PGPEP1L: variants seen among roughly 807,000 people sequenced by gnomAD.
PGPEP1L encodes the protein pyroglutamyl-peptidase 1-like protein.
A neutral mutation model predicts 6.0 loss-of-function variants in PGPEP1L; 7 were observed. That is an observed-to-expected ratio of 1.17 (90% CI 0.66 to 2.19). PGPEP1L has a LOEUF of 2.19. Among genes scored for constraint, PGPEP1L ranks in the 30% most tolerant of loss-of-function variants. The pLI, the probability that PGPEP1L is intolerant of heterozygous loss-of-function variation, is 0.00. For synonymous variants in PGPEP1L, 103 were observed against 83.9 expected (o/e 1.23, Z -1.24); for missense variants, 209 against 192.5 (o/e 1.09, Z -0.51).
At position 99,007,782 on chromosome 15, in the gene PGPEP1L, A is replaced by G. The variant is rs781887364; in HGVS notation, c.-793T>C. 3 of 152,272 alleles carry G rather than the reference A, an allele frequency of 2.0e-5. No homozygotes were observed. The highest frequency in any genetic ancestry group is 2.9e-5 in the Non-Finnish European group (2 of 68,076). 9.4% of individuals were successfully genotyped at this position (152,272 alleles called of 1,614,324 possible). On this transcript the variant is annotated 5_prime_UTR_variant, in exon 1 of 5. Coordinates refer to ENST00000535714, the MANE Select transcript of PGPEP1L (RefSeq NM_001167902.2). ...CTTCCACAGCACAGAAGGCGACTCC[A>G]GCAAGTTGCTACTGCTACCTGGGGC...
chr15:98,980,037 A>G (rs989036984), intron 2 of PGPEP1L, among the ~76,000 whole-genome samples: 2 of 152,200 alleles, frequency 1.3e-5, no homozygotes, highest in African/African-American at 4.8e-5. Context: ...TCGATGGGAA[A>G]GGGTGGGAAG....
chr15:98,986,276 GA>G (rs1201171270), intron 2 of PGPEP1L, among the ~76,000 whole-genome samples: 2 of 152,142 alleles, frequency 1.3e-5, no homozygotes, highest in African/African-American at 4.8e-5. Flanking sequence ...CTGGCCACCA[GA>G]AAAAAACAAT....
chr15:98,986,631 T>C lies in PGPEP1L; in HGVS notation c.-141-15473A>G, dbSNP rs981964523. On this transcript the variant is annotated intron_variant, in intron 2 of 4. Coordinates refer to ENST00000535714, the MANE Select transcript of PGPEP1L (RefSeq NM_001167902.2). The stretch of plus-strand genomic sequence containing the variant: ...GGGGTTGTAAGAACTCCTAAATTAA[T>C]AGCCATTTGGCCAGAAGTACAGGTG... Among the ~76,000 whole-genome samples the C allele has an allele frequency of 3.9e-5, 6 of 152,012 alleles. 1 individual carries two copies. Among genetic ancestry groups the C allele is most frequent in the Admixed American group, 1.3e-4 (2 of 15,290 alleles).
chr15:98,990,225 T>A (rs879959762), intron 2 of PGPEP1L, among the ~76,000 whole-genome samples: 9 of 151,910 alleles, frequency 5.9e-5, no homozygotes, highest in South Asian at 2.1e-4. Flanking sequence ...GTGTCTCACG[T>A]GCAAAGACAC....
chr15:98,970,657 T>C (rs1398092542), intron 3 of PGPEP1L, among the ~76,000 whole-genome samples: 1 of 152,164 alleles, frequency 6.6e-6, no homozygotes, highest in African/African-American at 2.4e-5. Context: ...ACCCTCCCAG[T>C]CGCTCCCTGG....
chr15:98,981,991 T>C (rs921976080), intron 2 of PGPEP1L, among the ~76,000 whole-genome samples: 1 of 152,186 alleles, frequency 6.6e-6, no homozygotes, highest in African/African-American at 2.4e-5. Context: ...AAGATCATCT[T>C]GGTCTGGTTT....
rs761689323 is a variant in PGPEP1L, at chr15:98,971,201, G to C, written c.-141-43C>G. On this transcript the variant is annotated intron_variant, in intron 2 of 4. Transcript: ENST00000535714. ...TGGACTTGCCTCAGTTGATGGGGGG[G>C]GGGGGGGGGTGGGCACCAAGAGTCC... 6.2e-4 allele frequency: 189 copies of C among 305,602 alleles called. 3 individuals are homozygous for C. In the African/African-American group the frequency reaches 8.6e-3, roughly 14 times the overall value. 18.9% of individuals were successfully genotyped at this position (305,602 alleles called of 1,614,324 possible). A position where few individuals can be genotyped will look rare whatever the true frequency, so the allele number is the denominator to read the frequency against.
intron 2 of PGPEP1L, among the ~76,000 whole-genome samples, chr15:98,974,687 G>A (rs2017544042): frequency 6.6e-6 from 1 of 152,088 alleles, no homozygotes; most frequent in Admixed American, 6.6e-5. Context: ...ACCTGAAGTT[G>A]AGAGTTCAAG....
In PGPEP1L at chr15:98,991,641, C is replaced by CA; in HGVS notation, c.-142+13787dup. On this transcript the variant is annotated intron_variant, in intron 2 of 4. Transcript: ENST00000535714. ...ATCCTGATACCAAAAACCTGGCAGA[C>CA]AAACAACAAAAAAAGAGAATTTCAG... 2.0e-5 allele frequency among the ~76,000 whole-genome samples: 3 copies of CA among 152,050 alleles called. No individual in the cohort carries two copies. The East Asian group carries it at 5.8e-4, about 29-fold the overall frequency.
chr15:98,992,968 A>G (rs1555472203), intron 2 of PGPEP1L, among the ~76,000 whole-genome samples: 1 of 152,196 alleles, frequency 6.6e-6, no homozygotes, highest in Non-Finnish European at 1.5e-5. Context: ...AAAGACTTAA[A>G]CGTAAGAAAC....
chr15:98,976,189 G>A (rs958738966), intron 2 of PGPEP1L, among the ~76,000 whole-genome samples: 10 of 152,084 alleles, frequency 6.6e-5, no homozygotes, highest in African/African-American at 2.4e-4. Flanking sequence ...CCACTTACTT[G>A]TACACTTTAA....
chr15:99,007,060 G>T (rs375222299), intron 1 of PGPEP1L, among the ~76,000 whole-genome samples: 1 of 152,164 alleles, frequency 6.6e-6, no homozygotes, highest in African/African-American at 2.4e-5. Context: ...CCGCGGATTA[G>T]ACCCCCCTTG....
At chr15:98,978,442 T>A (rs746182106) in intron 2 of PGPEP1L, among the ~76,000 whole-genome samples, 3 of 152,134 alleles carry the variant, frequency 2.0e-5, no homozygotes, top group Non-Finnish European at 4.4e-5. Context: ...GATTTTGGAA[T>A]CCCAGATTTG....
At chr15:99,007,009 T>C (rs1472149586) in intron 1 of PGPEP1L, among the ~76,000 whole-genome samples, 1 of 152,090 alleles carries the variant, frequency 6.6e-6, no homozygotes, top group Non-Finnish European at 1.5e-5. Context: ...TGCTGAATTG[T>C]CCTCCTGATA....
intron 2 of PGPEP1L, among the ~76,000 whole-genome samples, chr15:98,984,009 C>CTTTTTTTTTTTTTTTTTTT (rs71456904): frequency 1.7e-5 from 2 of 115,732 alleles, no homozygotes; most frequent in African/African-American, 3.5e-5. Flanking sequence ...AGTAAGTAGT[C>CTTTTTTTTTTTTTTTTTTT]TTTTTTTTTT....
chr15:98,970,451 C>T (rs188593861), intron 3 of PGPEP1L, among the ~76,000 whole-genome samples: 61 of 151,142 alleles, frequency 4.0e-4, no homozygotes, highest in Admixed American at 3.9e-3. Context: ...TGAAAAATAG[C>T]TGCCCAAGTA....
chr15:98,969,439 G>C lies in PGPEP1L; in HGVS notation c.195C>G (p.Ser65=), dbSNP rs1230516634. The change falls in exon 4 of 5, where the codon TCC becomes TCG. Residue 65 remains serine, a synonymous_variant. Transcript: ENST00000535714. ...ACAGAGCATACCTGCCTGCATCTCG[G>C]GAAAAGATCACGTCGACACCCTCCA... ...VAVEGVDVIF[S]RDAGRYVCDY... is the part of the protein sequence containing the mutation. 1 of 1,614,002 alleles carries C rather than the reference G, an allele frequency of 6.2e-7. No homozygotes were observed.
rs1391774018 is a variant in PGPEP1L at position 98,968,249 on chromosome 15, T to A, written c.*229A>T. 1.8e-6 allele frequency: 1 copy of A among 561,846 alleles called. No homozygotes were observed. Among genetic ancestry groups the A allele is most frequent in the Non-Finnish European group, 3.2e-6 (1 of 314,786 alleles). 34.8% of individuals were successfully genotyped at this position (561,846 alleles called of 1,614,324 possible). ...ACAGATGACTCGGATTTCATTTTAT[T>A]GTCATGAAAACCATAACTGAAGCTA... On this transcript the variant is annotated 3_prime_UTR_variant, in exon 5 of 5. Coordinates refer to ENST00000535714, the MANE Select transcript of PGPEP1L (RefSeq NM_001167902.2).
At chr15:99,002,658 AAG>A (rs1254177871) in intron 2 of PGPEP1L, among the ~76,000 whole-genome samples, 1 of 150,952 alleles carries the variant, frequency 6.6e-6, no homozygotes, top group Non-Finnish European at 1.5e-5. Flanking sequence ...TCAAAATAAA[AAG>A]TTTTAAAAAG....
Sources: allele counts gnomAD v4.1 joint callset (sites outside exome capture counted in the v4.1 genomes callset), GRCh38; gene constraint gnomAD v4.1.1; transcripts MANE v1.5; gene names NCBI Gene and HGNC (gene_info 2026-07-23, HGNC 2026-07-21).